The following RBMS3 variants were observed in gnomAD, a reference collection of about 807,000 sequenced individuals.
RBMS3 encodes RNA-binding motif, single-stranded-interacting protein 3.
Under a neutral mutation model 66.8 loss-of-function variants are expected in RBMS3, and 27 were observed. That is an observed-to-expected ratio of 0.40 (90% CI 0.30 to 0.56). The LOEUF is 0.56. Among genes scored for constraint, RBMS3 ranks in the 20% least tolerant of loss-of-function variants. The pLI is 0.40. For missense variants in RBMS3, 513 were observed against 549.5 expected (o/e 0.93, Z 0.66); for synonymous variants, 188 against 183.0 (o/e 1.03, Z -0.22).
chr3:29,420,969 TG>T (rs35085172), intron 1 of RBMS3, among the ~76,000 whole-genome samples: 4 of 102,962 alleles, frequency 3.9e-5, no homozygotes, highest in South Asian at 3.6e-4. Flanking sequence ...AAAAATTAAC[TG>T]GGCGTGGTGG....
At chr3:29,339,792 A>G (rs1004231950) in intron 1 of RBMS3, among the ~76,000 whole-genome samples, 1 of 152,140 alleles carries the variant, frequency 6.6e-6, no homozygotes, top group Non-Finnish European at 1.5e-5. Flanking sequence ...TTAGTGGAAG[A>G]TTTCAAGGAT....
chr3:29,858,115 A>C (rs1330415157), intron 6 of RBMS3, among the ~76,000 whole-genome samples: 1 of 152,252 alleles, frequency 6.6e-6, no homozygotes, highest in Non-Finnish European at 1.5e-5. Context: ...GAAAGAAATC[A>C]TAAAAAGTGG....
intron 11 of RBMS3, among the ~76,000 whole-genome samples, chr3:29,941,821 T>C (rs981820725): frequency 1.3e-5 from 2 of 151,806 alleles, no homozygotes; most frequent in Non-Finnish European, 2.9e-5. Context: ...TAATTAAATA[T>C]ACATGTACAT....
In RBMS3 at chr3:29,698,430, A is replaced by G. The variant is rs1190190855; in HGVS notation, c.400-41290A>G. ...TAGCCAGGATATCACAGACATTGCCATGAAAGTGGTAAATGGAGAAATACA... is the reference window on the plus strand; with the variant it reads ...TAGCCAGGATATCACAGACATTGCCGTGAAAGTGGTAAATGGAGAAATACA... On this transcript the variant is annotated intron_variant, in intron 4 of 14. Transcript: ENST00000383767. 5.1e-6 allele frequency: 5 copies of G among 985,264 alleles called. No homozygotes were observed. The African/African-American group carries it at 5.2e-5, about 10-fold the overall frequency. 61.0% of individuals were successfully genotyped at this position (985,264 alleles called of 1,614,324 possible). A position where few individuals can be genotyped will look rare whatever the true frequency, so the allele number is the denominator to read the frequency against.
intron 4 of RBMS3, among the ~76,000 whole-genome samples, chr3:29,699,366 C>T (rs1576553439): frequency 2.0e-5 from 3 of 152,118 alleles, no homozygotes; most frequent in South Asian, 4.1e-4. Context: ...AGGCTAGTCT[C>T]GAACTCCTGA....
At chr3:29,312,281 A>C (rs372767825) in intron 1 of RBMS3, among the ~76,000 whole-genome samples, 33 of 93,000 alleles carry the variant, frequency 3.5e-4, no homozygotes, top group African/African-American at 1.1e-3. Flanking sequence ...TTTTTCTAGC[A>C]TTCTGTTTCT....
In RBMS3 at chr3:29,926,258, G is replaced by A. The variant is rs138764754; in HGVS notation, c.940-9828G>A. Among the ~76,000 whole-genome samples the A allele has an allele frequency of 9.8e-3, 1,498 of 152,222 alleles. 21 individuals are homozygous for A. Among genetic ancestry groups the A allele is most frequent in the South Asian group, 0.022 (106 of 4,818 alleles). ...AGTAAATTAGTTCTTTAATAGGGTC[G>A]TGACTTCACACCTGTATCCTTAGAT... On this transcript the variant is annotated intron_variant, in intron 10 of 14. Transcript: ENST00000383767.
chr3:29,900,047 C>A (rs1325340841), intron 10 of RBMS3, among the ~76,000 whole-genome samples: 1 of 151,718 alleles, frequency 6.6e-6, no homozygotes, highest in East Asian at 2.0e-4. Flanking sequence ...ATCAACCATT[C>A]AAGCTGAGTC....
At chr3:29,307,579 A>C (rs17023226) in intron 1 of RBMS3, among the ~76,000 whole-genome samples, 13,361 of 151,874 alleles carry the variant, frequency 0.088, 812 homozygotes, top group South Asian at 0.24. Flanking sequence ...TGGGACCATG[A>C]TGTTGTTCAG....
At chr3:29,976,722 T>A (rs926287182) in intron 12 of RBMS3, among the ~76,000 whole-genome samples, 4 of 152,126 alleles carry the variant, frequency 2.6e-5, no homozygotes, top group African/African-American at 9.7e-5. Context: ...TTGAGGCAGA[T>A]ATTACTAATT....
intron 3 of RBMS3, among the ~76,000 whole-genome samples, chr3:29,531,683 T>C (rs181453811): frequency 1.1e-4 from 16 of 152,342 alleles, no homozygotes; most frequent in Admixed American, 3.9e-4. Flanking sequence ...ATCTCAAGTG[T>C]TCTTGCTGAG....
intron 2 of RBMS3, among the ~76,000 whole-genome samples, chr3:29,435,881 A>G (rs559625555): frequency 2.9e-5 from 4 of 136,720 alleles, no homozygotes; most frequent in East Asian, 2.3e-4. Flanking sequence ...AGGCTGAGGC[A>G]GGAGAATGGC....
rs950101257 is a variant in RBMS3 at position 29,826,046 on chromosome 3, C to T, written c.638-42812C>T. On this transcript the variant is annotated intron_variant, in intron 6 of 14. Transcript: ENST00000383767. ...TTTGAAAGCTTTTGAAAGATAAATG[C>T]TCTTTTTCCATTTTGGTATGAGTCG... Among the ~76,000 whole-genome samples, 9 of 152,150 alleles carry T rather than the reference C, an allele frequency of 5.9e-5. No individual in the cohort carries two copies. The South Asian group carries it at 1.9e-3, about 32-fold the overall frequency.
At chr3:29,837,495 A>G (rs1222308954) in intron 6 of RBMS3, among the ~76,000 whole-genome samples, 2 of 151,358 alleles carry the variant, frequency 1.3e-5, no homozygotes, top group Non-Finnish European at 3.0e-5. Flanking sequence ...CTCCTTACCC[A>G]TAAGCTAGGA....
chr3:29,621,415 G>A (rs183403309), intron 4 of RBMS3, among the ~76,000 whole-genome samples: 1 of 152,232 alleles, frequency 6.6e-6, no homozygotes, highest in African/African-American at 2.4e-5. Context: ...TGATTTGTGT[G>A]CAAGATAGGG....
At position 29,586,289 on chromosome 3, in the gene RBMS3, A is replaced by G. The variant is rs144006460; in HGVS notation, c.308-825A>G. Among the ~76,000 whole-genome samples, 6 of 152,242 alleles carry G rather than the reference A, an allele frequency of 3.9e-5. No homozygotes were observed. In the East Asian group the frequency reaches 1.2e-3, roughly 29 times the overall value. ...GGACTATTAGCTAGCTTAAGGACATACAAAATGGACTTTTCATTGATGCCG... is the reference window on the plus strand; with the variant it reads ...GGACTATTAGCTAGCTTAAGGACATGCAAAATGGACTTTTCATTGATGCCG... On this transcript the variant is annotated intron_variant, in intron 3 of 14. Coordinates refer to ENST00000383767, the MANE Select transcript of RBMS3 (RefSeq NM_001003793.3).
At chr3:29,899,287 C>G (rs1033042232) in intron 9 of RBMS3, among the ~76,000 whole-genome samples, 1 of 151,714 alleles carries the variant, frequency 6.6e-6, no homozygotes, top group African/African-American at 2.4e-5. Context: ...AATGGGATCA[C>G]TTGAGCATTT....
At chr3:29,604,075 A>C (rs2048239083) in intron 4 of RBMS3, among the ~76,000 whole-genome samples, 1 of 151,940 alleles carries the variant, frequency 6.6e-6, no homozygotes, top group Admixed American at 6.6e-5. Context: ...TTTTTGCTAC[A>C]ATAAAGAATT....
intron 4 of RBMS3, among the ~76,000 whole-genome samples, chr3:29,675,262 T>C (rs968106992): frequency 1.3e-5 from 2 of 152,166 alleles, no homozygotes; most frequent in African/African-American, 4.8e-5. Context: ...TTACACCTTA[T>C]ACAACAATTA....
Sources: allele counts gnomAD v4.1 joint callset (sites outside exome capture counted in the v4.1 genomes callset), GRCh38; gene constraint gnomAD v4.1.1; transcripts MANE v1.5; gene names NCBI Gene and HGNC (gene_info 2026-07-23, HGNC 2026-07-21).